PTPRG: variants seen among roughly 807,000 people sequenced by gnomAD.
PTPRG encodes the protein receptor-type tyrosine-protein phosphatase gamma.
In PTPRG, 102 loss-of-function variants were observed where a neutral mutation model predicts 165.3. The ratio of observed to expected loss-of-function variants is 0.62; its 90% CI spans 0.53 to 0.73. The LOEUF (loss-of-function observed/expected upper bound fraction) is 0.73, where lower values mean the gene tolerates loss of function less well. Ranked by LOEUF, PTPRG falls within the 30% of genes least tolerant of loss-of-function variation. The pLI is 0.00. For synonymous variants in PTPRG, 675 were observed against 669.5 expected (o/e 1.01, Z -0.13); for missense variants, 1,866 against 1,861.4 (o/e 1.00, Z -0.05).
Position 61,713,485 on chromosome 3 carries a change from A to C in PTPRG, c.86-35393A>C, listed in dbSNP as rs543144573. On this transcript the variant is annotated intron_variant, in intron 1 of 29. Transcript: ENST00000474889. ...TGCACCCGGGCTGAAACATCAAATAATTTTAAGCCTCTGTATGTGTTGTAA... is the reference window on the plus strand; with the variant it reads ...TGCACCCGGGCTGAAACATCAAATACTTTTAAGCCTCTGTATGTGTTGTAA... Among the ~76,000 whole-genome samples, 8 of 152,232 alleles carry C rather than the reference A, an allele frequency of 5.3e-5. No homozygotes were observed. The South Asian group carries it at 1.7e-3, about 32-fold the overall frequency.
At chr3:62,153,783 T>C (rs1392439751) in intron 6 of PTPRG, among the ~76,000 whole-genome samples, 1 of 152,240 alleles carries the variant, frequency 6.6e-6, no homozygotes, top group Admixed American at 6.5e-5. Flanking sequence ...AACTTGCCTA[T>C]GCTCACACAG....
intron 8 of PTPRG, among the ~76,000 whole-genome samples, chr3:62,182,695 C>G (rs1269592224): frequency 6.6e-6 from 1 of 152,248 alleles, no homozygotes; most frequent in African/African-American, 2.4e-5. Context: ...GAGTCTCGCT[C>G]TGTCGCCAGG....
At position 61,647,094 on chromosome 3, in the gene PTPRG, C is replaced by T. The variant is rs116255232; in HGVS notation, c.85+84722C>T. On this transcript the variant is annotated intron_variant, in intron 1 of 29. Transcript: ENST00000474889. ...TTTGTGTACATAGTTTTTGAGTGAA[C>T]CTAAGTTTTTATTTCTCTGAGATAA... Among the ~76,000 whole-genome samples the T allele has an allele frequency of 3.4e-3, 514 of 152,190 alleles. 4 individuals are homozygous for T. The highest frequency in any genetic ancestry group is 0.012 in the African/African-American group (485 of 41,542).
chr3:61,641,941 T>C (rs1366418856), intron 1 of PTPRG, among the ~76,000 whole-genome samples: 2 of 152,160 alleles, frequency 1.3e-5, no homozygotes, highest in Non-Finnish European at 1.5e-5. Context: ...AATGAATGCC[T>C]TCTGAGGAGA....
chr3:61,753,039 A>C (rs1032243568), intron 2 of PTPRG, among the ~76,000 whole-genome samples: 6 of 152,156 alleles, frequency 3.9e-5, no homozygotes, highest in Non-Finnish European at 7.4e-5. Context: ...TTTAGCATAG[A>C]GAACTATTTA....
chr3:62,163,552 T>C (rs1429369466), intron 7 of PTPRG, among the ~76,000 whole-genome samples: 1 of 152,194 alleles, frequency 6.6e-6, no homozygotes, highest in Non-Finnish European at 1.5e-5. Flanking sequence ...GTAAAGTACT[T>C]AAAGAAGTAC....
intron 2 of PTPRG, among the ~76,000 whole-genome samples, chr3:61,888,867 A>T (rs185353675): frequency 6.6e-6 from 1 of 152,280 alleles, no homozygotes; most frequent in Non-Finnish European, 1.5e-5. Flanking sequence ...AATCTTATGA[A>T]ATTGACATTT....
rs959914792 is a variant in PTPRG, at chr3:62,240,904, G to T, written c.2376-2903G>T. Reference sequence around the variant, plus strand: ...CTTGACTATTTGAAGCAATTTATTTGCTTGTTGTGGATTTTTCCCCATGAA... The same window carrying T: ...CTTGACTATTTGAAGCAATTTATTTTCTTGTTGTGGATTTTTCCCCATGAA... On this transcript the variant is annotated intron_variant, in intron 14 of 29. Coordinates refer to ENST00000474889, the MANE Select transcript of PTPRG (RefSeq NM_002841.4). The surrounding 1 kb of genome is among the most constrained non-coding windows in gnomAD (Gnocchi z 5.1). 2.0e-5 allele frequency among the ~76,000 whole-genome samples: 3 copies of T among 152,056 alleles called. No homozygotes were observed. Among genetic ancestry groups the T allele is most frequent in the African/African-American group, 4.8e-5 (2 of 41,398 alleles).
At chr3:61,737,906 G>GTTTT (rs754252949) in intron 1 of PTPRG, among the ~76,000 whole-genome samples, 1 of 53,260 alleles carries the variant, frequency 1.9e-5, no homozygotes, top group African/African-American at 8.4e-5. Context: ...ATATGCTGAG[G>GTTTT]TTTTTTTGTT....
intron 4 of PTPRG, among the ~76,000 whole-genome samples, chr3:62,007,675 C>T (rs908030152): frequency 6.6e-6 from 1 of 152,120 alleles, no homozygotes; most frequent in Non-Finnish European, 1.5e-5. Flanking sequence ...AAACATTGGT[C>T]ATGTAAATAT....
chr3:61,968,700 T>C (rs1035892575), intron 2 of PTPRG, among the ~76,000 whole-genome samples: 1 of 152,188 alleles, frequency 6.6e-6, no homozygotes, highest in African/African-American at 2.4e-5. Flanking sequence ...CTTTGGCCTA[T>C]TCATTTAAGC....
At chr3:61,735,568 C>G (rs2032688573) in intron 1 of PTPRG, among the ~76,000 whole-genome samples, 1 of 150,298 alleles carries the variant, frequency 6.7e-6, no homozygotes, top group Admixed American at 6.6e-5. Flanking sequence ...GGGGACAGGC[C>G]TACATTGATT....
At chr3:62,283,726 A>C (rs1247511665) in intron 28 of PTPRG, among the ~76,000 whole-genome samples, 2 of 152,086 alleles carry the variant, frequency 1.3e-5, no homozygotes, top group Admixed American at 6.6e-5. Context: ...CTTATTGTGA[A>C]GGCTTTTTTT....
chr3:62,073,746 G>A (rs1250258798), intron 4 of PTPRG, among the ~76,000 whole-genome samples: 1 of 152,220 alleles, frequency 6.6e-6, no homozygotes, highest in Non-Finnish European at 1.5e-5. Flanking sequence ...CTCACAAAGT[G>A]CTGGGATTAC....
chr3:62,139,455 TC>T (rs1703841352), intron 6 of PTPRG, among the ~76,000 whole-genome samples: 1 of 151,640 alleles, frequency 6.6e-6, no homozygotes, highest in Non-Finnish European at 1.5e-5. Flanking sequence ...GGAGACTCTG[TC>T]CCCCCTTCCC....
chr3:62,080,249 T>G (rs975416094), intron 5 of PTPRG, among the ~76,000 whole-genome samples: 1 of 148,826 alleles, frequency 6.7e-6, no homozygotes, highest in African/African-American at 2.6e-5. Flanking sequence ...TTTTTTTTTG[T>G]ATTTTTAGTA....
chr3:61,989,556 C>G (rs533314943), intron 2 of PTPRG, 69 bp from the exon 3 acceptor site: 1 of 1,472,604 alleles, frequency 6.8e-7, no homozygotes, highest in South Asian at 1.3e-5. Flanking sequence ...TGCTCAGCTT[C>G]CTAAGATTTA....
chr3:61,626,206 T>C (rs1417270426), intron 1 of PTPRG, among the ~76,000 whole-genome samples: 2 of 152,212 alleles, frequency 1.3e-5, no homozygotes, highest in Non-Finnish European at 2.9e-5. Flanking sequence ...TTTTTCCTGA[T>C]AAAGCTTTTT....
chr3:61,991,215 T>C (rs916006567), intron 3 of PTPRG, among the ~76,000 whole-genome samples: 1 of 152,218 alleles, frequency 6.6e-6, no homozygotes, highest in East Asian at 1.9e-4. Context: ...CGTAATTTTT[T>C]AAATTTTTGA....
Sources: allele counts gnomAD v4.1 joint callset (sites outside exome capture counted in the v4.1 genomes callset), GRCh38; gene constraint gnomAD v4.1.1; non-coding constraint Gnocchi (gnomAD v3.1); transcripts MANE v1.5; gene names NCBI Gene and HGNC (gene_info 2026-07-23, HGNC 2026-07-21).